Variants in PRKG1 observed in about 807,000 individuals in gnomAD.
PRKG1 encodes the protein cGMP-dependent protein kinase 1.
In PRKG1, 35 loss-of-function variants were observed where a neutral mutation model predicts 88.1. The ratio of observed to expected loss-of-function variants is 0.40; its 90% CI spans 0.30 to 0.53. The LOEUF (loss-of-function observed/expected upper bound fraction) is 0.53, where lower values mean the gene tolerates loss of function less well. Ranked by LOEUF, PRKG1 falls within the 20% of genes least tolerant of loss-of-function variation. The pLI is 0.59. For synonymous variants in PRKG1, 303 were observed against 292.5 expected (o/e 1.04, Z -0.37); for missense variants, 540 against 839.8 (o/e 0.64, Z 4.41).
At chr10:51,901,033 G>C (rs540067333) in intron 4 of PRKG1, among the ~76,000 whole-genome samples, 2 of 152,180 alleles carry the variant, frequency 1.3e-5, no homozygotes, top group African/African-American at 4.8e-5. Flanking sequence ...TCTATGGTGA[G>C]TGTGTGGTGA....
At chr10:51,442,742 A>G (rs1203060069) in intron 2 of PRKG1, among the ~76,000 whole-genome samples, 1 of 152,052 alleles carries the variant, frequency 6.6e-6, no homozygotes, top group Admixed American at 6.6e-5. Context: ...ATTCAACTAA[A>G]AGCATTTACT....
intron 2 of PRKG1, among the ~76,000 whole-genome samples, chr10:51,212,656 G>A (rs1183873282): frequency 9.2e-5 from 14 of 152,172 alleles, no homozygotes; most frequent in Admixed American, 9.2e-4. Context: ...AGTGGGCAAA[G>A]GATATGAACA....
chr10:51,439,710 C>T (rs753918886), intron 2 of PRKG1, among the ~76,000 whole-genome samples: 12 of 151,918 alleles, frequency 7.9e-5, no homozygotes, highest in Non-Finnish European at 1.2e-4. Flanking sequence ...GCAGCTTCTT[C>T]GAGGCCCTCA....
intron 2 of PRKG1, among the ~76,000 whole-genome samples, chr10:51,359,919 A>G (rs1399884980): frequency 6.6e-6 from 1 of 151,954 alleles, no homozygotes; most frequent in Non-Finnish European, 1.5e-5. Flanking sequence ...AATTTCCAAG[A>G]TACAGAGTAA....
intron 3 of PRKG1, among the ~76,000 whole-genome samples, chr10:51,531,433 C>T (rs770585826): frequency 6.6e-6 from 1 of 152,084 alleles, no homozygotes; most frequent in African/African-American, 2.4e-5. Context: ...CATTGAATCT[C>T]ATGTGTGGTT....
At chr10:51,735,234 G>T (rs975107265) in intron 3 of PRKG1, among the ~76,000 whole-genome samples, 2 of 152,102 alleles carry the variant, frequency 1.3e-5, no homozygotes, top group African/African-American at 4.8e-5. Context: ...ACTTTCTAGG[G>T]TCAATGTGGA....
chr10:52,194,783 T>A (rs1210799439), intron 9 of PRKG1, among the ~76,000 whole-genome samples: 1 of 152,174 alleles, frequency 6.6e-6, no homozygotes, highest in African/African-American at 2.4e-5. Flanking sequence ...AATAAAAAGC[T>A]ATATCCAGGT....
At chr10:51,257,133 A>G (rs1839582753) in intron 2 of PRKG1, among the ~76,000 whole-genome samples, 1 of 151,792 alleles carries the variant, frequency 6.6e-6, no homozygotes, top group Non-Finnish European at 1.5e-5. Context: ...AAATGATGGC[A>G]TCATTAACTG....
chr10:51,007,368 C>G (rs947840446), intron 1 of PRKG1, among the ~76,000 whole-genome samples: 1 of 152,136 alleles, frequency 6.6e-6, no homozygotes, highest in Non-Finnish European at 1.5e-5. Flanking sequence ...TTCCTTTTAC[C>G]ATCCGAGTTA....
chr10:51,721,404 GGAACCCA>G, intron 3 of PRKG1, among the ~76,000 whole-genome samples: 1 of 152,198 alleles, frequency 6.6e-6, no homozygotes, highest in Non-Finnish European at 1.5e-5. Flanking sequence ...GGAACTACGT[GGAACCCA>G]GAAGTAGATT....
rs147583813 is a variant in PRKG1, at chr10:51,818,511, C to T, written c.698+13821C>T. Reference sequence around the variant, plus strand: ...CCTTTGTTAGATAGCTCTGACATCTCAAAATACATGGCTGACTACTTTAAA... The same window carrying T: ...CCTTTGTTAGATAGCTCTGACATCTTAAAATACATGGCTGACTACTTTAAA... On this transcript the variant is annotated intron_variant, in intron 4 of 17. Coordinates refer to ENST00000373980, the MANE Select transcript of PRKG1 (RefSeq NM_006258.4). Among the ~76,000 whole-genome samples the T allele has an allele frequency of 5.1e-3, 783 of 152,248 alleles. 2 individuals are homozygous for T. Among genetic ancestry groups the T allele is most frequent in the African/African-American group, 0.018 (751 of 41,542 alleles).
chr10:51,592,471 A>G (rs377247998), intron 3 of PRKG1, among the ~76,000 whole-genome samples: 3 of 152,124 alleles, frequency 2.0e-5, no homozygotes, highest in African/African-American at 4.8e-5. Flanking sequence ...TAGCTCAGAT[A>G]TACTAACTGG....
chr10:51,950,917 G>A (rs1273715324), intron 5 of PRKG1, among the ~76,000 whole-genome samples: 1 of 152,246 alleles, frequency 6.6e-6, no homozygotes, highest in East Asian at 1.9e-4. Flanking sequence ...ACTTTCTGCA[G>A]AGAGCGGACG....
intron 2 of PRKG1, among the ~76,000 whole-genome samples, chr10:51,377,953 C>T (rs1216305925): frequency 6.6e-6 from 1 of 152,160 alleles, no homozygotes; most frequent in Non-Finnish European, 1.5e-5. Context: ...TGGCTCTGGC[C>T]TAACCACGAA....
chr10:52,105,958 TC>T (rs140787211), intron 7 of PRKG1, among the ~76,000 whole-genome samples: 13,466 of 151,952 alleles, frequency 0.089, 967 homozygotes, highest in East Asian at 0.35. Flanking sequence ...TAGTCTTTTA[TC>T]CCCCCACTCC....
intron 4 of PRKG1, among the ~76,000 whole-genome samples, chr10:51,897,076 A>G (rs982228296): frequency 2.9e-4 from 44 of 152,318 alleles, no homozygotes; most frequent in African/African-American, 1.0e-3. Context: ...CAGTTATAAG[A>G]CAATTGCATA....
At chr10:51,392,175 G>A (rs1395884104) in intron 2 of PRKG1, among the ~76,000 whole-genome samples, 2 of 150,918 alleles carry the variant, frequency 1.3e-5, no homozygotes, top group Non-Finnish European at 2.9e-5. Context: ...GGTGTTTCTC[G>A]CAGAGGGGGA....
At chr10:51,649,258 G>C (rs191706333) in intron 3 of PRKG1, among the ~76,000 whole-genome samples, 76 of 152,216 alleles carry the variant, frequency 5.0e-4, no homozygotes, top group African/African-American at 1.8e-3. Context: ...AGGAATCCAT[G>C]ATGAGTCATT....
chr10:51,534,821 G>C (rs1589053578), intron 3 of PRKG1, among the ~76,000 whole-genome samples: 1 of 152,122 alleles, frequency 6.6e-6, no homozygotes, highest in East Asian at 1.9e-4. Context: ...TTATCTAGGA[G>C]GATTGGTGAA....
Sources: gnomAD v4.1 joint callset for allele counts (sites outside exome capture counted in the v4.1 genomes callset) on GRCh38, gnomAD v4.1.1 for gene constraint, MANE v1.5 for transcripts, NCBI Gene and HGNC (gene_info 2026-07-23, HGNC 2026-07-21) for gene names.